C17orf107: variants seen among roughly 807,000 people sequenced by gnomAD.
The protein encoded by C17orf107 is chromosome 17 open reading frame 107, also known as uncharacterized protein C17orf107.
In C17orf107, 9 loss-of-function variants were observed where a neutral mutation model predicts 8.9. That is an observed-to-expected ratio of 1.02 (90% CI 0.61 to 1.77). The LOEUF (loss-of-function observed/expected upper bound fraction) is 1.77. C17orf107 is among the 40% of genes most tolerant of loss of function. C17orf107 has a pLI of 0.00. For synonymous variants in C17orf107, 139 were observed against 120.3 expected, an observed-to-expected ratio of 1.16 and a Z score of -1.02; for missense variants, 281 against 249.0, an observed-to-expected ratio of 1.13 and a Z score of -0.86.
rs1969937777 is a variant in C17orf107 at position 4,900,311 on chromosome 17, T to G, written c.351T>G (p.Asp117Glu). The G allele has an allele frequency of 6.5e-7, 1 of 1,545,350 alleles. No homozygotes were observed. The highest frequency in any genetic ancestry group is 1.2e-5 in the South Asian group (1 of 83,932). ...CGGGCCCAGCCCCAGACGGCAGGGA[T>G]CCGGGTGCAGCGCTGAGCCGGGTAG... ...GSAGPAPDGR[D>E]PGAALSRVAQ... The change falls in exon 3 of 3, where the codon GAT becomes GAG. Residue 117 changes from aspartate to glutamate, a missense_variant. Coordinates refer to ENST00000381365, the MANE Select transcript of C17orf107 (RefSeq NM_001145536.2).
In C17orf107 at chr17:4,901,745, G is replaced by C; in HGVS notation, c.*1212G>C. The stretch of plus-strand genomic sequence containing the variant: ...ATCCCAAGCCCACCCCTTCACCCAA[G>C]CCCAGCCCGCACGCCTCTGTTCCCA... On this transcript the variant is annotated 3_prime_UTR_variant, in exon 3 of 3. Transcript: ENST00000381365. The C allele has an allele frequency of 8.0e-7, 1 of 1,249,380 alleles. No homozygotes were observed. Among genetic ancestry groups the C allele is most frequent in the Non-Finnish European group, 1.1e-6 (1 of 869,740 alleles). 77.4% of individuals were successfully genotyped at this position (1,249,380 alleles called of 1,614,324 possible).
downstream of C17orf107, among the ~76,000 whole-genome samples, chr17:4,905,991 C>T (rs561645108): frequency 2.8e-4 from 43 of 152,322 alleles, no homozygotes; most frequent in African/African-American, 9.9e-4. Flanking sequence ...CCGCTCTGTC[C>T]GCTCTCTGCT....
chr17:4,901,278 G>A lies in C17orf107; in HGVS notation c.*745G>A. On this transcript the variant is annotated 3_prime_UTR_variant, in exon 3 of 3. Transcript: ENST00000381365. ...GCTGAAGAGGAGGCTGCGGCTGTCTGCACCAGGGTCATGGGCCGTCAGGAT... is the reference window on the plus strand; with the variant it reads ...GCTGAAGAGGAGGCTGCGGCTGTCTACACCAGGGTCATGGGCCGTCAGGAT... 6.9e-7 allele frequency: 1 copy of A among 1,455,296 alleles called. No individual in the cohort carries two copies. The allele number at this position is 1,455,296 out of a possible 1,614,324, so 90.1% of individuals were successfully genotyped here.
Position 4,901,699 on chromosome 17 carries a change from C to T in C17orf107, c.*1166C>T. The T allele has an allele frequency of 7.5e-6, 11 of 1,474,324 alleles. No homozygotes were observed. The South Asian group carries it at 1.3e-4, about 17-fold the overall frequency. 91.3% of individuals were successfully genotyped at this position (1,474,324 alleles called of 1,614,324 possible). ...CCGGCCTCAGGCCCAGCCCTGGAAG[C>T]TGGGATCTAGCGGGGCCGCGATCCC... On this transcript the variant is annotated 3_prime_UTR_variant, in exon 3 of 3. Transcript: ENST00000381365.
chr17:4,900,617 A>G lies in C17orf107; in HGVS notation c.*84A>G. 1 of 1,515,692 alleles carries G rather than the reference A, an allele frequency of 6.6e-7. No homozygotes were observed. The highest frequency in any genetic ancestry group is 2.0e-5 in the Admixed American group (1 of 50,720). 93.9% of individuals were successfully genotyped at this position (1,515,692 alleles called of 1,614,324 possible). A position where few individuals can be genotyped will look rare whatever the true frequency, so the allele number is the denominator to read the frequency against. The stretch of plus-strand genomic sequence containing the variant: ...CTCGGGAGACCTCCAGGTGACGTCC[A>G]GCAGCAGTGAGGAGGACGGCGGACC... On this transcript the variant is annotated 3_prime_UTR_variant, in exon 3 of 3. Transcript: ENST00000381365.
chr17:4,901,399 G>C lies in C17orf107; in HGVS notation c.*866G>C, dbSNP rs576563150. The C allele has an allele frequency of 5.2e-4, 522 of 996,726 alleles. 2 individuals are homozygous for C. Among genetic ancestry groups the C allele is most frequent in the Admixed American group, 3.0e-3 (157 of 51,708 alleles). The allele number at this position is 996,726 out of a possible 1,614,324, so 61.7% of individuals were successfully genotyped here. On this transcript the variant is annotated 3_prime_UTR_variant, in exon 3 of 3. Coordinates refer to ENST00000381365, the MANE Select transcript of C17orf107 (RefSeq NM_001145536.2). ...ACAATCGAGAATGATTTCAGGACAGGGGTAAGCTAAACCCAGTTGTGGAAG... is the reference window on the plus strand; with the variant it reads ...ACAATCGAGAATGATTTCAGGACAGCGGTAAGCTAAACCCAGTTGTGGAAG...
Position 4,899,676 on chromosome 17 carries a change from G to A in C17orf107, c.-87G>A, listed in dbSNP as rs1031418724. 13 of 1,441,538 alleles carry A rather than the reference G, an allele frequency of 9.0e-6. No individual in the cohort carries two copies. In the Admixed American group the frequency reaches 1.2e-4, roughly 13 times the overall value. The allele number at this position is 1,441,538 out of a possible 1,614,324, so 89.3% of individuals were successfully genotyped here. On this transcript the variant is annotated 5_prime_UTR_variant, in exon 1 of 3. Coordinates refer to ENST00000381365, the MANE Select transcript of C17orf107 (RefSeq NM_001145536.2). ...TCACAAACACGGCTTCTCCTGGTAC[G>A]GGCTGGTTACGCCCTCCAGCTGCGC...
rs1267439107 is a variant in C17orf107, at chr17:4,902,476, G to A, written c.*1943G>A. 5 of 1,614,084 alleles carry A rather than the reference G, an allele frequency of 3.1e-6. No homozygotes were observed. Among genetic ancestry groups the A allele is most frequent in the Non-Finnish European group, 4.2e-6 (5 of 1,180,046 alleles). The stretch of plus-strand genomic sequence containing the variant: ...ATTCCAATCCAGACGCTAGTGGTGA[G>A]AGTCTCCTCTTTTTCATTCTGCAGA... On this transcript the variant is annotated 3_prime_UTR_variant, in exon 3 of 3. Coordinates refer to ENST00000381365, the MANE Select transcript of C17orf107 (RefSeq NM_001145536.2). The surrounding 1 kb of genome is among the most constrained non-coding windows in gnomAD (Gnocchi z 4.0).
Position 4,900,632 on chromosome 17 carries a change from G to T in C17orf107, c.*99G>T. The T allele has an allele frequency of 6.7e-7, 1 of 1,491,420 alleles. No homozygotes were observed. The highest frequency in any genetic ancestry group is 9.1e-7 in the Non-Finnish European group (1 of 1,099,604). The allele number at this position is 1,491,420 out of a possible 1,614,324, so 92.4% of individuals were successfully genotyped here. On this transcript the variant is annotated 3_prime_UTR_variant, in exon 3 of 3. Coordinates refer to ENST00000381365, the MANE Select transcript of C17orf107 (RefSeq NM_001145536.2). ...GGTGACGTCCAGCAGCAGTGAGGAG[G>T]ACGGCGGACCAGGGACTCCATCCCC...
rs1555546938 is a variant in C17orf107, at chr17:4,901,892, C to CA, written c.*1359_*1360insA. The CA allele has an allele frequency of 6.2e-7, 1 of 1,606,672 alleles. No homozygotes were observed. Among genetic ancestry groups the CA allele is most frequent in the East Asian group, 2.2e-5 (1 of 44,790 alleles). On this transcript the variant is annotated 3_prime_UTR_variant, in exon 3 of 3. Transcript: ENST00000381365. ...TGGCCCCGCCCCATAAGGCCCCCCC[C>CA]CAACAATAATCGTCCGGGCCTCGGA...
At position 4,901,142 on chromosome 17, in the gene C17orf107, T is replaced by TGGC. The variant is rs764709459; in HGVS notation, c.*615_*617dup. ...TGGGCCGTCGGTGGCGCCACCGTGG[T>TGGC]GGCGGCGGATCACCCCCGGGCAGAA... On this transcript the variant is annotated 3_prime_UTR_variant, in exon 3 of 3. Coordinates refer to ENST00000381365, the MANE Select transcript of C17orf107 (RefSeq NM_001145536.2). 7.4e-6 allele frequency: 12 copies of TGGC among 1,611,296 alleles called. No homozygotes were observed. The highest frequency in any genetic ancestry group is 6.7e-5 in the African/African-American group (5 of 74,852).
At position 4,902,421 on chromosome 17, in the gene C17orf107, C is replaced by T. The variant is rs376690134; in HGVS notation, c.*1888C>T. On this transcript the variant is annotated 3_prime_UTR_variant, in exon 3 of 3. Transcript: ENST00000381365. The surrounding 1 kb of genome is among the most constrained non-coding windows in gnomAD (Gnocchi z 4.0). The stretch of plus-strand genomic sequence containing the variant: ...GGGAAAAGGGGTGCCCTGGACAAGA[C>T]CTCACACCATTCCCCAGATTTGACT... 2.0e-5 allele frequency: 33 copies of T among 1,614,060 alleles called. No individual in the cohort carries two copies. The African/African-American group carries it at 2.8e-4, about 14-fold the overall frequency.
chr17:4,902,020 A>G lies in C17orf107; in HGVS notation c.*1487A>G. On this transcript the variant is annotated 3_prime_UTR_variant, in exon 3 of 3. Coordinates refer to ENST00000381365, the MANE Select transcript of C17orf107 (RefSeq NM_001145536.2). This position sits in a 1 kb window ranked among gnomAD's most constrained non-coding sequence, Gnocchi z 4.0. ...CTGCGGTAGATGGCCGGAGGCAGCC[A>G]CGTCACGGAGCCGCCCTCGTAGACG... 6.2e-7 allele frequency: 1 copy of G among 1,614,100 alleles called. No homozygotes were observed. Among genetic ancestry groups the G allele is most frequent in the Non-Finnish European group, 8.5e-7 (1 of 1,180,044 alleles).
At position 4,899,731 on chromosome 17, in the gene C17orf107, G is replaced by A. The variant is rs971778405; in HGVS notation, c.-32G>A. On this transcript the variant is annotated 5_prime_UTR_variant, in exon 1 of 3. Coordinates refer to ENST00000381365, the MANE Select transcript of C17orf107 (RefSeq NM_001145536.2). The stretch of plus-strand genomic sequence containing the variant: ...TACACGACGACAGACGCGTCCCCCA[G>A]CCCTTCTCCTGTCCTACCACTTGTG... The A allele has an allele frequency of 9.1e-6, 14 of 1,543,410 alleles. No individual in the cohort carries two copies. In the African/African-American group the frequency reaches 1.8e-4, roughly 20 times the overall value.
chr17:4,900,942 C>T lies in C17orf107; in HGVS notation c.*409C>T. The T allele has an allele frequency of 1.2e-6, 2 of 1,614,076 alleles. No homozygotes were observed. The highest frequency in any genetic ancestry group is 1.7e-6 in the Non-Finnish European group (2 of 1,179,950). On this transcript the variant is annotated 3_prime_UTR_variant, in exon 3 of 3. Transcript: ENST00000381365. ...GAGCCAGTGAGAGCGGGCCCCGCCTCCCGGGAGCGAGCCCGGGTTTGGGGG... is the reference window on the plus strand; with the variant it reads ...GAGCCAGTGAGAGCGGGCCCCGCCTTCCGGGAGCGAGCCCGGGTTTGGGGG...
rs1278514080 is a variant in C17orf107 at position 4,902,266 on chromosome 17, G to T, written c.*1733G>T. On this transcript the variant is annotated 3_prime_UTR_variant, in exon 3 of 3. Transcript: ENST00000381365. The surrounding 1 kb of genome is among the most constrained non-coding windows in gnomAD (Gnocchi z 4.0). ...AGCCACACGAGTTCTGAAGGGACTC[G>T]CAGGGTTTCTATACCCCCAAAGTCG... 5 of 1,614,018 alleles carry T rather than the reference G, an allele frequency of 3.1e-6. No individual in the cohort carries two copies. In the African/African-American group the frequency reaches 4.0e-5, roughly 13 times the overall value.
chr17:4,900,486 C>T lies in C17orf107; in HGVS notation c.526C>T (p.Leu176Phe). The change falls in exon 3 of 3, where the codon CTC becomes TTC. Residue 176 changes from leucine to phenylalanine, a missense_variant. By Grantham distance (22) the Leu-to-Phe change is conservative. Coordinates refer to ENST00000381365, the MANE Select transcript of C17orf107 (RefSeq NM_001145536.2). ...GCGACAGTCGCAACAGCAGCTAGGC[C>T]TCGGAATCCCCGGAGAACCGGTGAG... ...FLRQSQQQLG[L>F]GIPGEPVSSG... 1.3e-6 allele frequency: 2 copies of T among 1,551,082 alleles called. No individual in the cohort carries two copies. The highest frequency in any genetic ancestry group is 1.7e-6 in the Non-Finnish European group (2 of 1,146,992).
chr17:4,901,511 G>C lies in C17orf107; in HGVS notation c.*978G>C. The C allele has an allele frequency of 1.2e-6, 2 of 1,612,842 alleles. No individual in the cohort carries two copies. Among genetic ancestry groups the C allele is most frequent in the Admixed American group, 1.7e-5 (1 of 60,028 alleles). ...GTCTAGAAGCGGGTTTTTCTGAGCA[G>C]GCAGGGGCTTCACCAGTATAGGCCT... On this transcript the variant is annotated 3_prime_UTR_variant, in exon 3 of 3. Coordinates refer to ENST00000381365, the MANE Select transcript of C17orf107 (RefSeq NM_001145536.2).
At chr17:4,903,706 G>C (rs565439382), downstream of C17orf107, among the ~76,000 whole-genome samples, 5 of 152,234 alleles carry the variant, frequency 3.3e-5, no homozygotes, top group African/African-American at 1.2e-4. Context: ...CAGCCCCTCT[G>C]GGTGGGAGAC....
Sources: allele counts gnomAD v4.1 joint callset (sites outside exome capture counted in the v4.1 genomes callset), GRCh38; gene constraint gnomAD v4.1.1; non-coding constraint Gnocchi (gnomAD v3.1); transcripts MANE v1.5; gene names NCBI Gene and HGNC (gene_info 2026-07-23, HGNC 2026-07-21).